The following TSHZ2 variants were observed in gnomAD, a reference collection of about 807,000 sequenced individuals.
The protein encoded by TSHZ2 is teashirt zinc finger homeobox 2, also known as teashirt homolog 2.
In TSHZ2, 21 loss-of-function variants were observed where a neutral mutation model predicts 74.4. The ratio of observed to expected loss-of-function variants is 0.28; its 90% CI spans 0.20 to 0.41. TSHZ2 has a LOEUF of 0.41. Among genes scored for constraint, TSHZ2 ranks in the 10% least tolerant of loss-of-function variants. TSHZ2 has a pLI of 1.00. For synonymous variants in TSHZ2, 540 were observed against 515.3 expected (o/e 1.05, Z -0.65); for missense variants, 1,244 against 1,293.5 (o/e 0.96, Z 0.59).
intron 2 of TSHZ2, among the ~76,000 whole-genome samples, chr20:53,395,312 AAAG>A (rs1367430108): frequency 2.0e-5 from 3 of 152,206 alleles, no homozygotes; most frequent in Non-Finnish European, 2.9e-5. Context: ...ATGAGTAAGC[AAAG>A]AAGAAGGAAG....
At chr20:53,316,059 G>A (rs894824871) in intron 2 of TSHZ2, among the ~76,000 whole-genome samples, 1 of 152,242 alleles carries the variant, frequency 6.6e-6, no homozygotes, top group African/African-American at 2.4e-5. Context: ...TCCAGTAACA[G>A]AAGCCAGGAT....
At chr20:53,270,627 C>T (rs185685916) in intron 2 of TSHZ2, among the ~76,000 whole-genome samples, 107 of 152,034 alleles carry the variant, frequency 7.0e-4, no homozygotes, top group Admixed American at 3.3e-3. Flanking sequence ...GAGATGCAGA[C>T]ACACCACTTA....
chr20:53,301,624 G>A (rs1352983444), intron 2 of TSHZ2, among the ~76,000 whole-genome samples: 2 of 152,116 alleles, frequency 1.3e-5, no homozygotes, highest in African/African-American at 4.8e-5. Flanking sequence ...AAGGTAAAAG[G>A]AAAAGCATAG....
chr20:53,163,543 G>T (rs1478180085), intron 1 of TSHZ2, among the ~76,000 whole-genome samples: 2 of 151,512 alleles, frequency 1.3e-5, no homozygotes, highest in Non-Finnish European at 2.9e-5. Context: ...ATGCTGGTGC[G>T]CTGCACCCAC....
chr20:52,983,394 T>A (rs1981638890), intron 1 of TSHZ2, among the ~76,000 whole-genome samples: 3 of 152,246 alleles, frequency 2.0e-5, no homozygotes, highest in African/African-American at 7.2e-5. Flanking sequence ...TTTTCTTTTC[T>A]GCAGGAATTC....
chr20:53,318,577 G>A (rs1979119543), intron 2 of TSHZ2, among the ~76,000 whole-genome samples: 1 of 152,154 alleles, frequency 6.6e-6, no homozygotes, highest in South Asian at 2.1e-4. Context: ...CCAGGTGGAG[G>A]GACAGAGGAA....
intron 1 of TSHZ2, among the ~76,000 whole-genome samples, chr20:53,163,426 A>G (rs1016594588): frequency 7.9e-5 from 11 of 140,060 alleles, no homozygotes; most frequent in African/African-American, 2.9e-4. Context: ...TAGCTCAAGA[A>G]GAGCCTTTTA....
intron 2 of TSHZ2, among the ~76,000 whole-genome samples, chr20:53,381,412 C>T (rs1981856021): frequency 6.6e-6 from 1 of 152,156 alleles, no homozygotes; most frequent in African/African-American, 2.4e-5. Context: ...ATCATTCATG[C>T]CTTCATTCAA....
intron 1 of TSHZ2, among the ~76,000 whole-genome samples, chr20:53,140,496 C>T (rs11086414): frequency 0.2 from 28,988 of 144,024 alleles, 3,206 homozygotes; most frequent in Admixed American, 0.26. Flanking sequence ...GCTGAGATCA[C>T]GCCACTGCAC....
rs1239827212 is a variant in TSHZ2, at chr20:53,013,433, T to G, written c.40+40100T>G. 3.3e-5 allele frequency among the ~76,000 whole-genome samples: 5 copies of G among 152,278 alleles called. 1 individual carries two copies. Among genetic ancestry groups the G allele is most frequent in the Admixed American group, 3.3e-4 (5 of 15,284 alleles). ...AGACAAGGTACTAAAGAATTTTAAA[T>G]GACACTACTCTGGAACTTCAACTGT... On this transcript the variant is annotated intron_variant, in intron 1 of 2. Transcript: ENST00000371497.
intron 1 of TSHZ2, among the ~76,000 whole-genome samples, chr20:52,997,909 A>G (rs745566423): frequency 2.6e-5 from 4 of 152,214 alleles, no homozygotes; most frequent in Non-Finnish European, 4.4e-5. Context: ...TACTCAAAGT[A>G]TGGCCTGCAG....
At chr20:53,340,129 G>A (rs1239500507) in intron 2 of TSHZ2, among the ~76,000 whole-genome samples, 2 of 150,932 alleles carry the variant, frequency 1.3e-5, no homozygotes, top group Non-Finnish European at 2.9e-5. Flanking sequence ...GTGGGGGGAA[G>A]AGCAGCCAAT....
At chr20:53,071,069 A>G (rs1322863719) in intron 1 of TSHZ2, among the ~76,000 whole-genome samples, 2 of 152,210 alleles carry the variant, frequency 1.3e-5, no homozygotes, top group Middle Eastern at 3.2e-3. Context: ...TCACATTTAT[A>G]TTACTAAATA....
chr20:53,180,728 T>G (rs1988447627), intron 1 of TSHZ2, among the ~76,000 whole-genome samples: 1 of 152,174 alleles, frequency 6.6e-6, no homozygotes, highest in Non-Finnish European at 1.5e-5. Flanking sequence ...AATGTATGTA[T>G]GTAAGAAATC....
intron 1 of TSHZ2, among the ~76,000 whole-genome samples, chr20:53,118,319 A>T (rs1367701831): frequency 1.3e-5 from 2 of 152,170 alleles, no homozygotes; most frequent in East Asian, 1.9e-4. Context: ...CCCAAAAAAG[A>T]AGAAGAAAAT....
intron 2 of TSHZ2, among the ~76,000 whole-genome samples, chr20:53,298,134 A>G (rs1413437981): frequency 1.3e-5 from 2 of 152,042 alleles, no homozygotes; most frequent in Non-Finnish European, 2.9e-5. Context: ...TTTTTGTTCT[A>G]ATTAGAAAAA....
intron 1 of TSHZ2, among the ~76,000 whole-genome samples, chr20:52,977,112 T>C (rs893421322): frequency 6.6e-6 from 1 of 152,160 alleles, no homozygotes; most frequent in African/African-American, 2.4e-5. Context: ...AGAGCAGAAA[T>C]GACCTCAGAG....
chr20:53,007,697 TGTGTGTATGTATGTATACTC>T (rs920695980), intron 1 of TSHZ2, among the ~76,000 whole-genome samples: 1 of 150,794 alleles, frequency 6.6e-6, no homozygotes, highest in Non-Finnish European at 1.5e-5. Flanking sequence ...GTGTGTGGTG[TGTGTGTATGTATGTATACTC>T]GTGTGTGTGT....
intron 1 of TSHZ2, among the ~76,000 whole-genome samples, chr20:53,195,693 T>C (rs925520107): frequency 2.0e-5 from 3 of 152,202 alleles, no homozygotes; most frequent in African/African-American, 7.2e-5. Context: ...AAGTGGCTAG[T>C]CTTAGGATTT....
Sources: allele counts gnomAD v4.1 joint callset (sites outside exome capture counted in the v4.1 genomes callset), GRCh38; gene constraint gnomAD v4.1.1; transcripts MANE v1.5; gene names NCBI Gene and HGNC (gene_info 2026-07-23, HGNC 2026-07-21).